The following SACM1L variants were observed in gnomAD, a reference collection of about 807,000 sequenced individuals.
The protein encoded by SACM1L is phosphatidylinositol-3-phosphatase SAC1.
Under a neutral mutation model 89.5 loss-of-function variants are expected in SACM1L, and 32 were observed. The observed-to-expected ratio is 0.36, with a 90% confidence interval of 0.27 to 0.48. SACM1L has a LOEUF of 0.48. Ranked by LOEUF, SACM1L falls within the 20% of genes least tolerant of loss-of-function variation. The pLI is 0.99. For missense variants in SACM1L, 543 were observed against 708.5 expected, an observed-to-expected ratio of 0.77 and a Z score of 2.65; for synonymous variants, 213 against 232.8, an observed-to-expected ratio of 0.92 and a Z score of 0.77.
intron 11 of SACM1L, among the ~76,000 whole-genome samples, chr3:45,725,257 A>G (rs577649400): frequency 6.6e-6 from 1 of 152,160 alleles, no homozygotes. Flanking sequence ...ATTGCATTGA[A>G]TTGACAGATT....
At chr3:45,706,173 T>C (rs1171952452) in intron 3 of SACM1L, among the ~76,000 whole-genome samples, 5 of 152,030 alleles carry the variant, frequency 3.3e-5, no homozygotes, top group Admixed American at 6.6e-5. Context: ...ATTAATTGAG[T>C]AGGAAAGGGT....
chr3:45,722,849 A>G lies in SACM1L; in HGVS notation c.766-20A>G, dbSNP rs777275738. Reference sequence around the variant, plus strand: ...CAAGTATGTTTGTGTTTCTTTTCACATTTCTCTCTTTTCTTTTAGACTCGA... The same window carrying G: ...CAAGTATGTTTGTGTTTCTTTTCACGTTTCTCTCTTTTCTTTTAGACTCGA... On this transcript the variant is annotated intron_variant, in intron 9 of 19. Transcript: ENST00000389061. 6.4e-7 allele frequency: 1 copy of G among 1,573,972 alleles called. No individual in the cohort carries two copies. The highest frequency in any genetic ancestry group is 1.7e-4 in the Middle Eastern group (1 of 6,000).
intron 4 of SACM1L, among the ~76,000 whole-genome samples, chr3:45,708,604 A>G (rs1402178781): frequency 1.3e-5 from 2 of 152,014 alleles, no homozygotes; most frequent in Non-Finnish European, 2.9e-5. Flanking sequence ...ATATATATCA[A>G]TATCTTCATT....
At position 45,709,720 on chromosome 3, in the gene SACM1L, T is replaced by C. The variant is rs573402238; in HGVS notation, c.483+73T>C. 46 of 1,333,670 alleles carry C rather than the reference T, an allele frequency of 3.4e-5. No homozygotes were observed. The South Asian group carries it at 6.3e-4, about 18-fold the overall frequency. 82.6% of individuals were successfully genotyped at this position (1,333,670 alleles called of 1,614,324 possible). On this transcript the variant is annotated intron_variant, in intron 5 of 19. Coordinates refer to ENST00000389061, the MANE Select transcript of SACM1L (RefSeq NM_014016.5). Reference sequence around the variant, plus strand: ...CATGTCTCTGTTTCATGCATAAAAATTTATATTGATTTTTCTCAGTCCTGG... The same window carrying C: ...CATGTCTCTGTTTCATGCATAAAAACTTATATTGATTTTTCTCAGTCCTGG...
chr3:45,693,181 C>T (rs868820991), intron 1 of SACM1L, among the ~76,000 whole-genome samples: 4 of 152,234 alleles, frequency 2.6e-5, no homozygotes, highest in South Asian at 4.2e-4. Context: ...AGTAAATATA[C>T]GGTATTATAA....
intron 4 of SACM1L, among the ~76,000 whole-genome samples, chr3:45,708,783 G>T (rs1018487671): frequency 3.9e-5 from 6 of 152,102 alleles, no homozygotes; most frequent in South Asian, 2.1e-4. Flanking sequence ...ATGTAGATTT[G>T]TAACATGTAG....
At chr3:45,705,236 AAAG>A in intron 3 of SACM1L, 27 bp downstream of exon 3, 2 of 1,411,690 alleles carry the variant, frequency 1.4e-6, no homozygotes. Flanking sequence ...TAAGATGGGC[AAAG>A]AAGGTAATTA....
At chr3:45,712,116 C>T (rs1161801749) in intron 5 of SACM1L, among the ~76,000 whole-genome samples, 1 of 152,160 alleles carries the variant, frequency 6.6e-6, no homozygotes, top group East Asian at 1.9e-4. Flanking sequence ...TCAGGAAGTG[C>T]GATTCAGCTG....
At chr3:45,725,705 T>A (rs1329342955) in intron 11 of SACM1L, among the ~76,000 whole-genome samples, 1 of 151,966 alleles carries the variant, frequency 6.6e-6, no homozygotes, top group Non-Finnish European at 1.5e-5. Flanking sequence ...TCTTGCCTAA[T>A]TGGTGTTGCT....
intron 8 of SACM1L, among the ~76,000 whole-genome samples, chr3:45,721,645 A>G (rs1698790538): frequency 6.6e-6 from 1 of 152,200 alleles, no homozygotes; most frequent in African/African-American, 2.4e-5. Context: ...ATTAGGATCT[A>G]TGGACATTTT....
At chr3:45,722,838 T>C in intron 9 of SACM1L, 31 bp from the exon 10 acceptor site, 1 of 1,518,842 alleles carries the variant, frequency 6.6e-7, no homozygotes, top group Non-Finnish European at 9.1e-7. Context: ...TATGTTTGTG[T>C]TTCTTTTCAC....
At chr3:45,693,400 A>G (rs1698045828) in intron 1 of SACM1L, among the ~76,000 whole-genome samples, 1 of 152,222 alleles carries the variant, frequency 6.6e-6, no homozygotes, top group Admixed American at 6.5e-5. Flanking sequence ...TAGACCACGT[A>G]CTAGCACTGC....
At chr3:45,711,207 C>T (rs940636690) in intron 5 of SACM1L, among the ~76,000 whole-genome samples, 1 of 152,120 alleles carries the variant, frequency 6.6e-6, no homozygotes, top group Non-Finnish European at 1.5e-5. Flanking sequence ...TGAGCTGAGA[C>T]TTGATGAAGA....
intron 1 of SACM1L, among the ~76,000 whole-genome samples, chr3:45,694,445 C>T (rs954093595): frequency 1.3e-5 from 2 of 152,086 alleles, no homozygotes; most frequent in African/African-American, 2.4e-5. Context: ...AGAAGTCTCC[C>T]GGTGGAGGGA....
intron 5 of SACM1L, among the ~76,000 whole-genome samples, chr3:45,712,171 G>A (rs566097295): frequency 6.7e-6 from 1 of 149,904 alleles, no homozygotes; most frequent in African/African-American, 2.5e-5. Context: ...TTTTAGAGTC[G>A]GCGGTGCTGG....
intron 4 of SACM1L, among the ~76,000 whole-genome samples, chr3:45,707,553 A>C (rs1396377306): frequency 6.6e-6 from 1 of 152,240 alleles, no homozygotes; most frequent in Non-Finnish European, 1.5e-5. Context: ...GGAGCATAGA[A>C]GAAGTAGCTG....
At chr3:45,707,820 G>A (rs1193888056) in intron 4 of SACM1L, among the ~76,000 whole-genome samples, 1 of 152,038 alleles carries the variant, frequency 6.6e-6, no homozygotes, top group African/African-American at 2.4e-5. Flanking sequence ...AGTTCACCAG[G>A]GATAGAAGAA....
intron 6 of SACM1L, 99 bp downstream of exon 6, chr3:45,713,295 A>G (rs1698569207): frequency 3.3e-6 from 3 of 911,514 alleles, no homozygotes; most frequent in Non-Finnish European, 5.1e-6. Flanking sequence ...AATTTCGAGA[A>G]ACAATTCTAA....
intron 4 of SACM1L, chr3:45,707,151 G>T: frequency 6.5e-6 from 2 of 306,394 alleles, no homozygotes; most frequent in South Asian, 5.5e-5. Context: ...TGGAGAGAAG[G>T]GAAAACAGAA....
Sources: gnomAD v4.1 joint callset for allele counts (sites outside exome capture counted in the v4.1 genomes callset) on GRCh38, gnomAD v4.1.1 for gene constraint, MANE v1.5 for transcripts, NCBI Gene and HGNC (gene_info 2026-07-23, HGNC 2026-07-21) for gene names.